TBC1D5: variants seen among roughly 807,000 people sequenced by gnomAD.
The protein encoded by TBC1D5 is TBC1 domain family member 5, also known as TBC1 domain family, member 5.
TBC1D5 carries 75 observed loss-of-function variants against 100.3 expected under a neutral mutation model. The ratio of observed to expected loss-of-function variants is 0.75; its 90% CI spans 0.62 to 0.91. The LOEUF is 0.91. Among genes scored for constraint, TBC1D5 ranks in the 40% least tolerant of loss-of-function variants. The pLI, the probability that TBC1D5 is intolerant of heterozygous loss-of-function variation, is 0.00. For missense variants in TBC1D5, 910 were observed against 942.4 expected (o/e 0.97, Z 0.45); for synonymous variants, 323 against 325.6 (o/e 0.99, Z 0.09).
At position 17,707,757 on chromosome 3, in the gene TBC1D5, T is replaced by G. The variant is rs1409503656; in HGVS notation, c.-101+31586A>C. Among the ~76,000 whole-genome samples the G allele has an allele frequency of 4.6e-5, 7 of 152,262 alleles. No homozygotes were observed. The Middle Eastern group carries it at 0.014, about 296-fold the overall frequency. On this transcript the variant is annotated intron_variant, in intron 1 of 21. Transcript: ENST00000253692. The stretch of plus-strand genomic sequence containing the variant: ...CAATGAATATATAAAAATATATCCT[T>G]TTCTCCAGAGGAAGCCCAGTTAACT...
At chr3:17,595,034 G>A (rs746737520) in intron 2 of TBC1D5, among the ~76,000 whole-genome samples, 1 of 152,108 alleles carries the variant, frequency 6.6e-6, no homozygotes, top group Non-Finnish European at 1.5e-5. Flanking sequence ...AATATAAGCA[G>A]GCAGAAAAGT....
chr3:17,490,462 G>C (rs1286522579), intron 3 of TBC1D5, among the ~76,000 whole-genome samples: 1 of 152,114 alleles, frequency 6.6e-6, no homozygotes, highest in Non-Finnish European at 1.5e-5. Flanking sequence ...AGTTTTCACA[G>C]TTTCATAGTT....
intron 2 of TBC1D5, among the ~76,000 whole-genome samples, chr3:17,548,475 G>A (rs117113616): frequency 6.6e-6 from 1 of 151,856 alleles, no homozygotes; most frequent in Non-Finnish European, 1.5e-5. Context: ...AAAATACAGG[G>A]CGGGGGAAAA....
intron 16 of TBC1D5, among the ~76,000 whole-genome samples, chr3:17,256,655 C>G (rs1453972635): frequency 2.0e-5 from 3 of 152,096 alleles, no homozygotes; most frequent in Non-Finnish European, 4.4e-5. Flanking sequence ...AGTGCCTTCC[C>G]TATACCAGTC....
At chr3:17,305,130 C>T (rs1382917390) in intron 14 of TBC1D5, among the ~76,000 whole-genome samples, 1 of 152,242 alleles carries the variant, frequency 6.6e-6, no homozygotes, top group Middle Eastern at 3.4e-3. Context: ...AATGACTGTC[C>T]CTCCACAGTT....
chr3:17,255,989 T>C (rs2077628207), intron 16 of TBC1D5, among the ~76,000 whole-genome samples: 1 of 152,180 alleles, frequency 6.6e-6, no homozygotes, highest in South Asian at 2.1e-4. Context: ...TAAGCCGAGA[T>C]TGCGCCACTG....
At chr3:17,312,821 A>G (rs1253301704) in intron 13 of TBC1D5, among the ~76,000 whole-genome samples, 1 of 152,180 alleles carries the variant, frequency 6.6e-6, no homozygotes, top group East Asian at 1.9e-4. Flanking sequence ...CTGAATGGAA[A>G]GTAGATCCTT....
chr3:17,266,471 T>C (rs572936000), intron 15 of TBC1D5, among the ~76,000 whole-genome samples: 1 of 152,300 alleles, frequency 6.6e-6, no homozygotes, highest in East Asian at 1.9e-4. Context: ...CATTTTACTA[T>C]ACATATTTAT....
chr3:17,691,771 C>G lies in TBC1D5; in HGVS notation c.-101+47572G>C, dbSNP rs1186778789. The stretch of plus-strand genomic sequence containing the variant: ...GGCGGAGGTTGCAGTGAGCCGAGAT[C>G]GAGCCACTGCACTCCAGCCAGGCAG... On this transcript the variant is annotated intron_variant, in intron 1 of 21. Transcript: ENST00000253692. Among the ~76,000 whole-genome samples, 4 of 150,804 alleles carry G rather than the reference C, an allele frequency of 2.7e-5. No individual in the cohort carries two copies. The East Asian group carries it at 7.8e-4, about 29-fold the overall frequency.
At chr3:17,717,678 C>T (rs2075351526) in intron 1 of TBC1D5, among the ~76,000 whole-genome samples, 1 of 152,068 alleles carries the variant, frequency 6.6e-6, no homozygotes, top group Non-Finnish European at 1.5e-5. Context: ...ATAATCTAAG[C>T]CTCTTTGTAC....
At chr3:17,608,007 A>G (rs977927028) in intron 2 of TBC1D5, among the ~76,000 whole-genome samples, 2 of 152,224 alleles carry the variant, frequency 1.3e-5, no homozygotes, top group Non-Finnish European at 2.9e-5. Flanking sequence ...TACAGGAAAC[A>G]TAATACACAA....
intron 2 of TBC1D5, among the ~76,000 whole-genome samples, chr3:17,600,894 T>C (rs181985067): frequency 2.0e-5 from 3 of 152,336 alleles, no homozygotes; most frequent in Admixed American, 2.0e-4. Context: ...CGTGTTTGTC[T>C]TTACATTTTA....
intron 3 of TBC1D5, among the ~76,000 whole-genome samples, chr3:17,447,217 A>G (rs146249729): frequency 1.3e-5 from 2 of 152,338 alleles, no homozygotes; most frequent in African/African-American, 4.8e-5. Flanking sequence ...AAAAATGAAG[A>G]TAACCATTTA....
chr3:17,159,148 T>C (rs1263374292), exon 22 of TBC1D5: 1 of 150,638 alleles, frequency 6.6e-6, no homozygotes, highest in Non-Finnish European at 1.5e-5. Flanking sequence ...TGCCCAGTGG[T>C]TGAAGGTCAG....
intron 13 of TBC1D5, among the ~76,000 whole-genome samples, chr3:17,313,270 G>A (rs2084264135): frequency 6.6e-6 from 1 of 152,084 alleles, no homozygotes; most frequent in Non-Finnish European, 1.5e-5. Flanking sequence ...GTATCTCCTT[G>A]AGAAAATTAC....
intron 4 of TBC1D5, among the ~76,000 whole-genome samples, chr3:17,423,226 T>G (rs1023432520): frequency 6.6e-6 from 1 of 152,090 alleles, no homozygotes; most frequent in Non-Finnish European, 1.5e-5. Context: ...ATATATAAAG[T>G]TCCCTTTATT....
chr3:17,655,509 T>C (rs1442321383), intron 1 of TBC1D5, among the ~76,000 whole-genome samples: 1 of 151,578 alleles, frequency 6.6e-6, no homozygotes, highest in Non-Finnish European at 1.5e-5. Context: ...CCAATATAAA[T>C]TCTATAAACT....
chr3:17,176,808 A>G lies in TBC1D5; in HGVS notation c.1852+8301T>C, dbSNP rs539687788. Among the ~76,000 whole-genome samples, 4 of 152,264 alleles carry G rather than the reference A, an allele frequency of 2.6e-5. No homozygotes were observed. The East Asian group carries it at 7.7e-4, about 29-fold the overall frequency. Reference sequence around the variant, plus strand: ...AGAACTTAAAAGTATGATTGAAAAAAAAAAAAAGAAAAGAAATCCAACAGA... The same window carrying G: ...AGAACTTAAAAGTATGATTGAAAAAGAAAAAAAGAAAAGAAATCCAACAGA... On this transcript the variant is annotated intron_variant, in intron 19 of 21. Coordinates refer to ENST00000253692, the Ensembl canonical transcript of TBC1D5.
At chr3:17,384,158 G>C in intron 8 of TBC1D5, 143 bp from the exon 9 acceptor site, 1 of 595,128 alleles carries the variant, frequency 1.7e-6, no homozygotes, top group Non-Finnish European at 2.9e-6. Flanking sequence ...CCTTTAGTGG[G>C]GACTGAAAAA....
Sources: gnomAD v4.1 joint callset for allele counts (sites outside exome capture counted in the v4.1 genomes callset) on GRCh38, gnomAD v4.1.1 for gene constraint, MANE v1.5 for transcripts, NCBI Gene and HGNC (gene_info 2026-07-23, HGNC 2026-07-21) for gene names.